Variants in GPR157 observed in about 807,000 individuals in gnomAD.
The protein encoded by GPR157 is G-protein coupled receptor 157.
In GPR157, 16 loss-of-function variants were observed where a neutral mutation model predicts 23.5. The ratio of observed to expected loss-of-function variants is 0.68; its 90% CI spans 0.46 to 1.04. GPR157 has a LOEUF of 1.04. GPR157 is among the 50% of genes least tolerant of loss of function. GPR157 has a pLI of 0.00. For synonymous variants in GPR157, 200 were observed against 221.5 expected, an observed-to-expected ratio of 0.90 and a Z score of 0.86; for missense variants, 440 against 460.7, an observed-to-expected ratio of 0.96 and a Z score of 0.41.
At chr1:9,123,768 ATT>A (rs1491413703) in intron 1 of GPR157, among the ~76,000 whole-genome samples, 163 of 129,106 alleles carry the variant, frequency 1.3e-3, no homozygotes, top group African/African-American at 4.4e-3. Context: ...TATTATATAT[ATT>A]TAATATTAAA....
chr1:9,107,102 T>C (rs767989533), intron 2 of GPR157, among the ~76,000 whole-genome samples: 37 of 152,196 alleles, frequency 2.4e-4, no homozygotes, highest in Non-Finnish European at 8.8e-5. Context: ...TTATTCACCC[T>C]TGTTCCTTGG....
chr1:9,119,066 G>A (rs1638746607), intron 1 of GPR157, among the ~76,000 whole-genome samples: 1 of 134,324 alleles, frequency 7.4e-6, no homozygotes, highest in Non-Finnish European at 1.5e-5. Context: ...GAATCTCACT[G>A]TGTCTCCCAG....
chr1:9,115,700 G>A (rs1397986478), intron 1 of GPR157, among the ~76,000 whole-genome samples: 5 of 151,868 alleles, frequency 3.3e-5, no homozygotes. Context: ...CAACACAGCT[G>A]CCATCTCTTC....
chr1:9,114,265 C>G (rs11121326), intron 1 of GPR157, among the ~76,000 whole-genome samples: 111,827 of 147,750 alleles, frequency 0.76, 42,799 homozygotes, highest in East Asian at 0.98. Flanking sequence ...GGAGGTGGAG[C>G]TTGCAGTGAG....
At chr1:9,114,479 T>C (rs1638591055) in intron 1 of GPR157, among the ~76,000 whole-genome samples, 1 of 152,098 alleles carries the variant, frequency 6.6e-6, no homozygotes. Flanking sequence ...ACAGTCCCCC[T>C]GCAGGAGGCT....
At chr1:9,104,711 A>G in intron 3 of GPR157, 77 bp from the exon 4 acceptor site, 1 of 1,118,374 alleles carries the variant, frequency 8.9e-7, no homozygotes, top group Non-Finnish European at 1.3e-6. Flanking sequence ...AATTAAGAGA[A>G]ACGGCTAGGC....
At chr1:9,124,545 T>C (rs965945166) in intron 1 of GPR157, among the ~76,000 whole-genome samples, 6 of 152,094 alleles carry the variant, frequency 3.9e-5, no homozygotes, top group Admixed American at 2.6e-4. Context: ...ACTCATGGGG[T>C]GTGCCTGTCC....
chr1:9,114,629 C>T (rs959315821), intron 1 of GPR157, among the ~76,000 whole-genome samples: 2 of 152,286 alleles, frequency 1.3e-5, no homozygotes, highest in Middle Eastern at 3.4e-3. Context: ...CACACGGAAC[C>T]GCACTCTGTA....
At chr1:9,125,347 G>A (rs1166502723) in intron 1 of GPR157, among the ~76,000 whole-genome samples, 3 of 151,986 alleles carry the variant, frequency 2.0e-5, no homozygotes, top group African/African-American at 7.2e-5. Context: ...CCAAAGTGCT[G>A]GGATTACAGG....
At chr1:9,117,155 T>C (rs923441093) in intron 1 of GPR157, among the ~76,000 whole-genome samples, 1 of 152,190 alleles carries the variant, frequency 6.6e-6, no homozygotes. Flanking sequence ...GTTTTTAATA[T>C]AATCTAGTTT....
Position 9,111,077 on chromosome 1 carries a change from G to C in GPR157, c.597+199C>G, listed in dbSNP as rs562597172. ...GACCCGGCTCCTAACGGGGCAGTGGGAACCAATGCACGATCCGTGTAACAC... is the reference window on the plus strand; with the variant it reads ...GACCCGGCTCCTAACGGGGCAGTGGCAACCAATGCACGATCCGTGTAACAC... On this transcript the variant is annotated intron_variant, in intron 2 of 3. Transcript: ENST00000377411. 3 of 635,704 alleles carry C rather than the reference G, an allele frequency of 4.7e-6. No homozygotes were observed. In the East Asian group the frequency reaches 8.4e-5, roughly 18 times the overall value. The allele number at this position is 635,704 out of a possible 1,614,324, so 39.4% of individuals were successfully genotyped here. A position where few individuals can be genotyped will look rare whatever the true frequency, so the allele number is the denominator to read the frequency against.
chr1:9,111,753 G>C (rs56150649), intron 1 of GPR157, among the ~76,000 whole-genome samples: 2 of 152,012 alleles, frequency 1.3e-5, no homozygotes, highest in African/African-American at 2.4e-5. Flanking sequence ...TTGCATACAT[G>C]TGTGTACAGA....
In GPR157 at chr1:9,103,122, A is replaced by T. The variant is rs1177614210; in HGVS notation, c.*1297T>A. On this transcript the variant is annotated 3_prime_UTR_variant, in exon 4 of 4. Coordinates refer to ENST00000377411, the MANE Select transcript of GPR157 (RefSeq NM_024980.5). ...CCTTTTTTAAAAAAAAAAAAAAAAA[A>T]AAACTGACTCTGAAGCTTAAAACCT... 6.6e-5 allele frequency: 10 copies of T among 151,536 alleles called. No homozygotes were observed. Among genetic ancestry groups the T allele is most frequent in the Non-Finnish European group, 1.0e-4 (7 of 67,914 alleles). The allele number at this position is 151,536 out of a possible 1,614,324, so 9.4% of individuals were successfully genotyped here.
chr1:9,128,456 C>T lies in GPR157; in HGVS notation c.383+189G>A, dbSNP rs914292985. ...TGGGGCAGGCACAGCGGGGCTCCTTCGGGAGGGAGCGAATCTCGGGCAAGG... is the reference window on the plus strand; with the variant it reads ...TGGGGCAGGCACAGCGGGGCTCCTTTGGGAGGGAGCGAATCTCGGGCAAGG... On this transcript the variant is annotated intron_variant, in intron 1 of 3. Transcript: ENST00000377411. The surrounding 1 kb of genome is among the most constrained non-coding windows in gnomAD (Gnocchi z 6.3). The T allele has an allele frequency of 2.9e-6, 2 of 684,302 alleles. No homozygotes were observed. The highest frequency in any genetic ancestry group is 5.3e-6 in the Non-Finnish European group (2 of 380,874). 42.4% of individuals were successfully genotyped at this position (684,302 alleles called of 1,614,324 possible).
At chr1:9,116,518 G>A (rs1199771999) in intron 1 of GPR157, among the ~76,000 whole-genome samples, 5 of 143,132 alleles carry the variant, frequency 3.5e-5, no homozygotes, top group Admixed American at 1.5e-4. Context: ...CGAGGCGGGC[G>A]GATCATGAGG....
intron 1 of GPR157, among the ~76,000 whole-genome samples, chr1:9,123,272 T>TTTTATATATATTATATATA (rs1638853328): frequency 1.9e-4 from 4 of 21,446 alleles, no homozygotes; most frequent in African/African-American, 8.4e-4. Flanking sequence ...ATATATATAT[T>TTTTATATATATTATATATA]TAAATATATA....
In GPR157 at chr1:9,111,410, C is replaced by T. The variant is rs375075090; in HGVS notation, c.463G>A (p.Gly155Ser). 305 of 1,614,200 alleles carry T rather than the reference C, an allele frequency of 1.9e-4. 1 individual carries two copies. The highest frequency in any genetic ancestry group is 1.2e-3 in the South Asian group (105 of 91,084). Residue 155 changes from glycine (G) to serine (S), a missense_variant, in exon 2 of 4, where the codon GGC (glycine) becomes AGC (serine). Physicochemically the swap from Gly to Ser is moderately conservative, Grantham distance 56. Coordinates refer to ENST00000377411, the MANE Select transcript of GPR157 (RefSeq NM_024980.5). ...GCCTCCAGGTCGATCCAGCACCAGC[C>T]CACAGACACGTCCGAGGCGTCATAG... ...IGYDASDVSV[G>S]WCWIDLEAKD... is the part of the protein sequence containing the mutation.
At chr1:9,116,309 T>TATATAATTATATAATTA (rs1466795332) in intron 1 of GPR157, among the ~76,000 whole-genome samples, 1 of 6,986 alleles carries the variant, frequency 1.4e-4, no homozygotes, top group African/African-American at 1.4e-3. Context: ...ATATATTATA[T>TATATAATTATATAATTA]TATATATAAT....
intron 1 of GPR157, among the ~76,000 whole-genome samples, chr1:9,121,026 A>T (rs1638786485): frequency 6.6e-6 from 1 of 152,140 alleles, no homozygotes; most frequent in African/African-American, 2.4e-5. Context: ...TGCCACGGTG[A>T]GCTCGTTTCA....
Sources: allele counts gnomAD v4.1 joint callset (sites outside exome capture counted in the v4.1 genomes callset), GRCh38; gene constraint gnomAD v4.1.1; non-coding constraint Gnocchi (gnomAD v3.1); transcripts MANE v1.5; gene names NCBI Gene and HGNC (gene_info 2026-07-23, HGNC 2026-07-21).